FGF2: variants seen among roughly 807,000 people sequenced by gnomAD.
FGF2 encodes the protein fibroblast growth factor 2, also known as basic fibroblast growth factor bFGF.
FGF2 carries 13 observed loss-of-function variants against 15.9 expected under a neutral mutation model. The ratio of observed to expected loss-of-function variants is 0.82; its 90% CI spans 0.53 to 1.30. The LOEUF is 1.30. Ranked by LOEUF, FGF2 falls within the 50% of genes most tolerant of loss-of-function variation. The pLI, the probability that FGF2 is intolerant of heterozygous loss-of-function variation, is 0.00. For missense variants in FGF2, 163 were observed against 196.9 expected, an observed-to-expected ratio of 0.83 and a Z score of 1.03; for synonymous variants, 90 against 78.4, an observed-to-expected ratio of 1.15 and a Z score of -0.78.
intron 1 of FGF2, among the ~76,000 whole-genome samples, chr4:122,834,902 G>C (rs1725832735): frequency 6.6e-6 from 1 of 152,124 alleles, no homozygotes. Context: ...CACCAATAGT[G>C]GTGCAGATAA....
intron 1 of FGF2, among the ~76,000 whole-genome samples, chr4:122,875,088 C>G (rs1026227671): frequency 6.6e-6 from 1 of 152,052 alleles, no homozygotes; most frequent in African/African-American, 2.4e-5. Context: ...GACACCAGAA[C>G]CTATTTTTTA....
intron 1 of FGF2, among the ~76,000 whole-genome samples, chr4:122,863,158 G>A (rs1174098213): frequency 3.3e-5 from 5 of 152,240 alleles, no homozygotes; most frequent in Middle Eastern, 3.4e-3. Flanking sequence ...CCTCAGAAGC[G>A]TTCTATGCCC....
chr4:122,886,305 G>A (rs1057280387), intron 2 of FGF2, among the ~76,000 whole-genome samples: 12 of 151,962 alleles, frequency 7.9e-5, no homozygotes, highest in African/African-American at 2.9e-4. Context: ...GGCATATAAT[G>A]GTATATGTTA....
At chr4:122,889,904 G>A (rs949559724) in intron 2 of FGF2, 1 of 151,968 alleles carries the variant, frequency 6.6e-6, no homozygotes. Flanking sequence ...AGCAAGGTGG[G>A]GCATCCGGGA....
chr4:122,836,510 G>T (rs1022875274), intron 1 of FGF2, among the ~76,000 whole-genome samples: 3 of 151,982 alleles, frequency 2.0e-5, no homozygotes, highest in African/African-American at 7.3e-5. Context: ...ATGTCCCCCA[G>T]TTTTACTGGA....
intron 2 of FGF2, among the ~76,000 whole-genome samples, chr4:122,880,396 G>C (rs1049030287): frequency 6.6e-6 from 1 of 151,898 alleles, no homozygotes; most frequent in Non-Finnish European, 1.5e-5. Context: ...ATAGGCACCC[G>C]CCACCATGCC....
intron 1 of FGF2, among the ~76,000 whole-genome samples, chr4:122,856,025 C>T (rs1726333515): frequency 6.6e-6 from 1 of 151,990 alleles, no homozygotes; most frequent in Non-Finnish European, 1.5e-5. Context: ...GCCCACAGAC[C>T]ATATGTGTCT....
Position 122,892,699 on chromosome 4 carries a change from G to A in FGF2, c.*303G>A. ...GAGGCTTTTAAAATGTGCATGTTTAGAAACAAAATTTCTTCATGGAAATCA... is the reference window on the plus strand; with the variant it reads ...GAGGCTTTTAAAATGTGCATGTTTAAAAACAAAATTTCTTCATGGAAATCA... On this transcript the variant is annotated 3_prime_UTR_variant, in exon 3 of 3. Coordinates refer to ENST00000644866, the MANE Select transcript of FGF2 (RefSeq NM_001361665.2). 1.5e-6 allele frequency: 2 copies of A among 1,357,626 alleles called. No homozygotes were observed. Among genetic ancestry groups the A allele is most frequent in the Non-Finnish European group, 2.0e-6 (2 of 1,023,978 alleles). The allele number at this position is 1,357,626 out of a possible 1,614,324, so 84.1% of individuals were successfully genotyped here.
chr4:122,890,539 C>G (rs1196062086), intron 2 of FGF2, among the ~76,000 whole-genome samples: 3 of 152,188 alleles, frequency 2.0e-5, no homozygotes, highest in African/African-American at 7.2e-5. Context: ...TAATACCACA[C>G]CCTTACTTTA....
intron 1 of FGF2, among the ~76,000 whole-genome samples, chr4:122,854,494 T>C (rs61457726): frequency 0.038 from 5,845 of 152,278 alleles, 366 homozygotes; most frequent in African/African-American, 0.13. Context: ...TAGAGGCAGC[T>C]GCATTCTTGA....
At chr4:122,869,533 C>T (rs1351223217) in intron 1 of FGF2, among the ~76,000 whole-genome samples, 1 of 152,102 alleles carries the variant, frequency 6.6e-6, no homozygotes, top group Non-Finnish European at 1.5e-5. Context: ...TTGTAGTTCT[C>T]CTTGAAGAGG....
intron 1 of FGF2, among the ~76,000 whole-genome samples, chr4:122,835,615 A>G (rs565584591): frequency 1.3e-5 from 2 of 152,136 alleles, no homozygotes; most frequent in Non-Finnish European, 2.9e-5. Flanking sequence ...GCTAGACACC[A>G]TGGAATTGTC....
intron 1 of FGF2, among the ~76,000 whole-genome samples, chr4:122,853,085 C>T (rs576276853): frequency 2.0e-5 from 3 of 152,246 alleles, no homozygotes; most frequent in Admixed American, 6.5e-5. Context: ...ATTGCTTGAG[C>T]TCAGGTGTTG....
At chr4:122,890,328 C>A (rs1041509385) in intron 2 of FGF2, among the ~76,000 whole-genome samples, 1 of 152,112 alleles carries the variant, frequency 6.6e-6, no homozygotes, top group Non-Finnish European at 1.5e-5. Flanking sequence ...ATAGCTGGGT[C>A]CTGTCAATGT....
At chr4:122,852,658 T>C (rs977104895) in intron 1 of FGF2, among the ~76,000 whole-genome samples, 2 of 152,202 alleles carry the variant, frequency 1.3e-5, no homozygotes, top group Non-Finnish European at 2.9e-5. Flanking sequence ...TTCCCTTAAT[T>C]GTTTTCTGTG....
chr4:122,890,238 T>C (rs1448734794), intron 2 of FGF2, among the ~76,000 whole-genome samples: 1 of 152,202 alleles, frequency 6.6e-6, no homozygotes, highest in Non-Finnish European at 1.5e-5. Flanking sequence ...TATATTGGTC[T>C]ATATTACTCT....
In FGF2 at chr4:122,860,488, T is replaced by C. The variant is rs1312626228; in HGVS notation, c.179-15833T>C. Among the ~76,000 whole-genome samples, 4 of 135,136 alleles carry C rather than the reference T, an allele frequency of 3.0e-5. No homozygotes were observed. In the East Asian group the frequency reaches 1.0e-3, roughly 35 times the overall value. 88.7% of individuals were successfully genotyped at this position (135,136 alleles called of 152,430 possible). A position where few individuals can be genotyped will look rare whatever the true frequency, so the allele number is the denominator to read the frequency against. On this transcript the variant is annotated intron_variant, in intron 1 of 2. Transcript: ENST00000644866. ...TTTTTTTTTTGAGACAAGATCCTGC[T>C]CTGTTGCCTAGGCTGAAGAGCAGTG... is the stretch of plus-strand genomic sequence containing the variant.
At chr4:122,867,578 C>T (rs1048797016) in intron 1 of FGF2, among the ~76,000 whole-genome samples, 1 of 152,114 alleles carries the variant, frequency 6.6e-6, no homozygotes. Flanking sequence ...ACCCTGGGCT[C>T]AAGTGATCTG....
Position 122,892,416 on chromosome 4 carries a change from T to C in FGF2, c.*20T>C, listed in dbSNP as rs768841530. On this transcript the variant is annotated 3_prime_UTR_variant, in exon 3 of 3. Transcript: ENST00000644866. ...AGCTGATTTTAATGGCCACATCTAATCTCATTTCACATGAAAGAAGAAGTA... is the reference window on the plus strand; with the variant it reads ...AGCTGATTTTAATGGCCACATCTAACCTCATTTCACATGAAAGAAGAAGTA... 2 of 1,612,608 alleles carry C rather than the reference T, an allele frequency of 1.2e-6. No individual in the cohort carries two copies. The highest frequency in any genetic ancestry group is 2.2e-5 in the South Asian group (2 of 91,036).
Sources: allele counts gnomAD v4.1 joint callset (sites outside exome capture counted in the v4.1 genomes callset), GRCh38; gene constraint gnomAD v4.1.1; transcripts MANE v1.5; gene names NCBI Gene and HGNC (gene_info 2026-07-23, HGNC 2026-07-21).